The following CTDP1 variants were observed in gnomAD, a reference collection of about 807,000 sequenced individuals.
CTDP1 encodes the protein RNA polymerase II subunit A C-terminal domain phosphatase.
A neutral mutation model predicts 91.8 loss-of-function variants in CTDP1; 47 were observed. The ratio of observed to expected loss-of-function variants is 0.51; its 90% CI spans 0.41 to 0.65. CTDP1 has a LOEUF of 0.65. Among genes scored for constraint, CTDP1 ranks in the 30% least tolerant of loss-of-function variants. The probability of loss-of-function intolerance (pLI) is 0.00; values close to 1 mark genes in which losing one functional copy is unlikely to be tolerated. For synonymous variants in CTDP1, 656 were observed against 598.5 expected (o/e 1.10, Z -1.40); for missense variants, 1,272 against 1,373.7 (o/e 0.93, Z 1.17).
chr18:79,702,124 C>T (rs577925877), intron 4 of CTDP1, among the ~76,000 whole-genome samples: 34 of 152,338 alleles, frequency 2.2e-4, no homozygotes, highest in South Asian at 4.1e-4. Context: ...GTGGGTAAAA[C>T]GCTGTCAAAC....
At chr18:79,680,330 G>C (rs1464002514) in intron 1 of CTDP1, 69 bp downstream of exon 1, 3 of 1,197,748 alleles carry the variant, frequency 2.5e-6, no homozygotes, top group Non-Finnish European at 3.1e-6. Context: ...GGACCCCCGG[G>C]CTGCTGCGTC....
Position 79,680,162 on chromosome 18 carries a change from G to A in CTDP1, c.215G>A (p.Gly72Asp), listed in dbSNP as rs996752979. 5.0e-6 allele frequency: 7 copies of A among 1,394,312 alleles called. No individual in the cohort carries two copies. The highest frequency in any genetic ancestry group is 1.5e-5 in the African/African-American group (1 of 65,896). The allele number at this position is 1,394,312 out of a possible 1,614,324, so 86.4% of individuals were successfully genotyped here. A position where few individuals can be genotyped will look rare whatever the true frequency, so the allele number is the denominator to read the frequency against. The change falls in exon 1 of 13, where the codon GGC becomes GAC. Residue 72 changes from glycine to aspartate, a missense_variant. By Grantham distance (94) the Gly-to-Asp change is moderately conservative. Coordinates refer to ENST00000613122, the MANE Select transcript of CTDP1 (RefSeq NM_004715.5). ...TCTCAGTCCCGTGTAGCCTCCGGGG[G>A]CTGCGTGCGCCCCGCGCGGCCGGAA... ...GASQSRVASGGCVRPARPERR... is the reference protein window; with the variant it reads ...GASQSRVASGDCVRPARPERR...
chr18:79,695,467 G>A (rs571892142), intron 2 of CTDP1, among the ~76,000 whole-genome samples, 159 bp downstream of exon 2: 39 of 152,274 alleles, frequency 2.6e-4, no homozygotes, highest in Admixed American at 2.5e-3. Flanking sequence ...CACTCAATGG[G>A]TTTCCCTGGA....
At chr18:79,685,145 CTG>C (rs1306706700) in intron 1 of CTDP1, among the ~76,000 whole-genome samples, 120 of 152,140 alleles carry the variant, frequency 7.9e-4, no homozygotes, top group Non-Finnish European at 7.1e-4. Context: ...CCTTGGTTCT[CTG>C]CGTGCTGCTC....
At chr18:79,677,545 A>G (rs1314087505), upstream of CTDP1, 2 of 152,260 alleles carry the variant, frequency 1.3e-5, no homozygotes, top group African/African-American at 4.8e-5. Context: ...CACACATCCA[A>G]TTAGATGACT....
chr18:79,740,278 G>A (rs1450954520), intron 12 of CTDP1, among the ~76,000 whole-genome samples: 1 of 152,256 alleles, frequency 6.6e-6, no homozygotes, highest in Non-Finnish European at 1.5e-5. Flanking sequence ...GGCCGCGATA[G>A]CAGCCTGACT....
rs1208397135 is a variant in CTDP1, at chr18:79,697,912, A to G, written c.545A>G (p.Lys182Arg). The G allele has an allele frequency of 6.2e-7, 1 of 1,614,234 alleles. No homozygotes were observed. Among genetic ancestry groups the G allele is most frequent in the East Asian group, 2.2e-5 (1 of 44,888 alleles). The stretch of plus-strand genomic sequence containing the variant: ...CAGCAGCGACTGCACCGAAACCGGA[A>G]GCTGGTGCTCATGGTGGACTTGGAC... Reference protein sequence around the residue: ...EDQQRLHRNRKLVLMVDLDQT... With the variant: ...EDQQRLHRNRRLVLMVDLDQT... The change falls in exon 4 of 13, where the codon AAG becomes AGG. Residue 182 changes from lysine to arginine, a missense_variant. Coordinates refer to ENST00000613122, the MANE Select transcript of CTDP1 (RefSeq NM_004715.5).
rs537494528 is a variant in CTDP1, at chr18:79,698,968, A to C, written c.621+980A>C. 7.2e-5 allele frequency among the ~76,000 whole-genome samples: 11 copies of C among 152,316 alleles called. No individual in the cohort carries two copies. The South Asian group carries it at 2.3e-3, about 32-fold the overall frequency. The stretch of plus-strand genomic sequence containing the variant: ...GAAGTTTGGTTAAGTTTGGCCTTGT[A>C]AGTCAGTCAGGTGGTCAGGGTGAGC... On this transcript the variant is annotated intron_variant, in intron 4 of 12. Transcript: ENST00000613122.
chr18:79,750,691 T>TA (rs1442356841), intron 12 of CTDP1, among the ~76,000 whole-genome samples: 2 of 138,654 alleles, frequency 1.4e-5, no homozygotes, highest in African/African-American at 2.6e-5. Context: ...TTTTTTTTTT[T>TA]AATGTGGAGA....
At chr18:79,704,207 G>A (rs553947118) in intron 4 of CTDP1, among the ~76,000 whole-genome samples, 1 of 152,346 alleles carries the variant, frequency 6.6e-6, no homozygotes, top group African/African-American at 2.4e-5. Context: ...AATGCCACGG[G>A]TAGCCCCTTG....
In CTDP1 at chr18:79,704,926, A is replaced by G. The variant is rs1195480409; in HGVS notation, c.772+9A>G. 1.9e-6 allele frequency: 3 copies of G among 1,612,914 alleles called. No homozygotes were observed. The African/African-American group carries it at 4.0e-5, about 22-fold the overall frequency. On this transcript the variant is annotated intron_variant, in intron 5 of 12. Coordinates refer to ENST00000613122, the MANE Select transcript of CTDP1 (RefSeq NM_004715.5). ...CGCACACACCATCGCAGGTCAGTCA[A>G]GCCGCAGCCGAAGAGGCCGTGTGAA...
Position 79,681,440 on chromosome 18 carries a change from C to A in CTDP1, c.314+1179C>A, listed in dbSNP as rs547216613. ...GCTGGTGTATTCCCTGGACAGAAAA[C>A]CCCAGGATGGAAGATCCCTACTGAG... On this transcript the variant is annotated intron_variant, in intron 1 of 12. Coordinates refer to ENST00000613122, the MANE Select transcript of CTDP1 (RefSeq NM_004715.5). 5 of 985,166 alleles carry A rather than the reference C, an allele frequency of 5.1e-6. No homozygotes were observed. In the African/African-American group the frequency reaches 7.0e-5, roughly 14 times the overall value. 61.0% of individuals were successfully genotyped at this position (985,166 alleles called of 1,614,324 possible).
At chr18:79,729,211 C>T (rs2086515054) in intron 11 of CTDP1, 142 bp downstream of exon 11, 6 of 1,086,516 alleles carry the variant, frequency 5.5e-6, no homozygotes, top group African/African-American at 1.6e-5. Context: ...TGGTTTGGGA[C>T]GAGCACTTGT....
intron 11 of CTDP1, among the ~76,000 whole-genome samples, chr18:79,735,264 GCCCCAGCCAGGTGTGCAC>G (rs2086643217): frequency 6.6e-6 from 1 of 152,160 alleles, no homozygotes; most frequent in Non-Finnish European, 1.5e-5. Flanking sequence ...GCCCCTCAAG[GCCCCAGCCAGGTGTGCAC>G]CCCCAGATCC....
chr18:79,711,551 G>A (rs2086084384), intron 6 of CTDP1, among the ~76,000 whole-genome samples: 1 of 152,134 alleles, frequency 6.6e-6, no homozygotes, highest in Admixed American at 6.5e-5. Flanking sequence ...CCCACCCCAC[G>A]CACAAGCTCA....
Position 79,696,289 on chromosome 18 carries a change from C to G in CTDP1, c.492+219C>G, listed in dbSNP as rs577783997. ...GACAAGTCTGCCTGCAAAAGCGACT[C>G]AGGGCCCCGAGGCTGTGTGACCTGC... On this transcript the variant is annotated intron_variant, in intron 3 of 12. Coordinates refer to ENST00000613122, the MANE Select transcript of CTDP1 (RefSeq NM_004715.5). 3.9e-5 allele frequency among the ~76,000 whole-genome samples: 6 copies of G among 152,304 alleles called. No individual in the cohort carries two copies. The East Asian group carries it at 1.2e-3, about 29-fold the overall frequency.
At chr18:79,694,156 G>T (rs1328767178) in intron 1 of CTDP1, among the ~76,000 whole-genome samples, 1 of 151,184 alleles carries the variant, frequency 6.6e-6, no homozygotes, top group East Asian at 1.9e-4. Context: ...GGACGGGAGT[G>T]TGGGGGCTGT....
Position 79,717,668 on chromosome 18 carries a change from G to A in CTDP1, c.2202G>A (p.Lys734=), listed in dbSNP as rs1389505213. The A allele has an allele frequency of 6.2e-7, 1 of 1,614,046 alleles. No individual in the cohort carries two copies. ...TCCCGCTCAGGGACGATCACACCAA[G>A]GCACAGAGGTGGGTCCTCGCTGCAC... ...QLFPLRDDHT[K]AQRENSPAAF... The change falls in exon 9 of 13, where the codon AAG becomes AAA. Residue 734 remains lysine, a synonymous_variant. Coordinates refer to ENST00000613122, the MANE Select transcript of CTDP1 (RefSeq NM_004715.5).
At chr18:79,718,127 TG>T (rs2086260047) in intron 10 of CTDP1, 111 bp downstream of exon 10, 1 of 1,261,542 alleles carries the variant, frequency 7.9e-7, no homozygotes, top group African/African-American at 1.5e-5. Flanking sequence ...GGGTGGAGGC[TG>T]CAGACGGTGA....
Sources: gnomAD v4.1 joint callset for allele counts (sites outside exome capture counted in the v4.1 genomes callset) on GRCh38, gnomAD v4.1.1 for gene constraint, MANE v1.5 for transcripts, NCBI Gene and HGNC (gene_info 2026-07-23, HGNC 2026-07-21) for gene names.